The following UNC5D variants were observed in gnomAD, a reference collection of about 807,000 sequenced individuals.
The protein encoded by UNC5D is netrin receptor UNC5D.
A neutral mutation model predicts 105.4 loss-of-function variants in UNC5D; 39 were observed. The ratio of observed to expected loss-of-function variants is 0.37; its 90% CI spans 0.29 to 0.48. The LOEUF (loss-of-function observed/expected upper bound fraction) is 0.48, where lower values mean the gene tolerates loss of function less well. Among genes scored for constraint, UNC5D ranks in the 20% least tolerant of loss-of-function variants. UNC5D has a pLI of 0.98. For missense variants in UNC5D, 991 were observed against 1,202.4 expected, an observed-to-expected ratio of 0.82 and a Z score of 2.60; for synonymous variants, 452 against 450.4, an observed-to-expected ratio of 1.00 and a Z score of -0.04.
At chr8:35,369,186 CCTAT>C (rs1245617117) in intron 1 of UNC5D, among the ~76,000 whole-genome samples, 3 of 152,146 alleles carry the variant, frequency 2.0e-5, no homozygotes, top group Non-Finnish European at 4.4e-5. Flanking sequence ...AATTAAATCA[CCTAT>C]CTCTCAGGTA....
chr8:35,687,691 A>G (rs1212873162), intron 7 of UNC5D, among the ~76,000 whole-genome samples: 1 of 152,072 alleles, frequency 6.6e-6, no homozygotes, highest in Non-Finnish European at 1.5e-5. Flanking sequence ...TTCCTTATTT[A>G]CTTTGTGTTC....
rs187565769 is a variant in UNC5D, at chr8:35,395,607, T to A, written c.104-153685T>A. On this transcript the variant is annotated intron_variant, in intron 1 of 16. Coordinates refer to ENST00000404895, the MANE Select transcript of UNC5D (RefSeq NM_080872.4). ...CATTTGAAAGCTGGAGGGGTCATGA[T>A]TAATCAACATACACCACCACTCTAA... is the stretch of plus-strand genomic sequence containing the variant. 3.4e-3 allele frequency among the ~76,000 whole-genome samples: 520 copies of A among 152,300 alleles called. 4 individuals are homozygous for A. The highest frequency in any genetic ancestry group is 0.012 in the African/African-American group (499 of 41,568).
intron 1 of UNC5D, among the ~76,000 whole-genome samples, chr8:35,354,618 A>C (rs759497620): frequency 6.6e-6 from 1 of 152,200 alleles, no homozygotes; most frequent in Non-Finnish European, 1.5e-5. Flanking sequence ...TTAATACCAG[A>C]AAAGCAGGTT....
At chr8:35,344,732 A>G (rs560269592) in intron 1 of UNC5D, among the ~76,000 whole-genome samples, 1 of 152,174 alleles carries the variant, frequency 6.6e-6, no homozygotes, top group South Asian at 2.1e-4. Context: ...TTATCTTAGT[A>G]CCCTGATGCT....
At chr8:35,610,980 T>A (rs987549688) in intron 4 of UNC5D, among the ~76,000 whole-genome samples, 5 of 149,276 alleles carry the variant, frequency 3.3e-5, no homozygotes, top group African/African-American at 1.2e-4. Flanking sequence ...AAAAATGTTT[T>A]CTTTGTAGGT....
chr8:35,359,512 A>C (rs141891453), intron 1 of UNC5D, among the ~76,000 whole-genome samples: 50 of 152,308 alleles, frequency 3.3e-4, no homozygotes, highest in Non-Finnish European at 6.9e-4. Flanking sequence ...GTGAACACCA[A>C]TGTTCTTTGA....
At chr8:35,767,393 A>G (rs1801821622) in intron 15 of UNC5D, among the ~76,000 whole-genome samples, 1 of 152,156 alleles carries the variant, frequency 6.6e-6, no homozygotes, top group African/African-American at 2.4e-5. Context: ...GAGATTCATT[A>G]TAGACTGAAG....
At chr8:35,384,558 C>T (rs1292716355) in intron 1 of UNC5D, among the ~76,000 whole-genome samples, 2 of 152,112 alleles carry the variant, frequency 1.3e-5, no homozygotes, top group Non-Finnish European at 2.9e-5. Context: ...TGTTCATTCC[C>T]CTAAACCCTT....
intron 1 of UNC5D, among the ~76,000 whole-genome samples, chr8:35,390,329 C>T (rs1034254223): frequency 2.0e-5 from 3 of 152,016 alleles, no homozygotes; most frequent in Admixed American, 6.5e-5. Flanking sequence ...CAAACTATAT[C>T]GAGAGTTAAC....
Position 35,643,631 on chromosome 8 carries a change from G to A in UNC5D, c.571-39916G>A, listed in dbSNP as rs373777685. ...CTGACCTTAAATGATCCACCCACCTGGGCCTCCCAAAGTGCTGGGATTACA... is the reference window on the plus strand; with the variant it reads ...CTGACCTTAAATGATCCACCCACCTAGGCCTCCCAAAGTGCTGGGATTACA... On this transcript the variant is annotated intron_variant, in intron 4 of 16. Coordinates refer to ENST00000404895, the MANE Select transcript of UNC5D (RefSeq NM_080872.4). 1.5e-4 allele frequency among the ~76,000 whole-genome samples: 23 copies of A among 152,146 alleles called. 1 individual carries two copies. Among genetic ancestry groups the A allele is most frequent in the African/African-American group, 5.5e-4 (23 of 41,538 alleles).
At chr8:35,258,312 A>G (rs1330953232) in intron 1 of UNC5D, among the ~76,000 whole-genome samples, 1 of 152,352 alleles carries the variant, frequency 6.6e-6, no homozygotes, top group Non-Finnish European at 1.5e-5. Context: ...ACCTCTTCAT[A>G]TGGTTGCATT....
At chr8:35,361,697 C>T (rs1325624528) in intron 1 of UNC5D, among the ~76,000 whole-genome samples, 1 of 152,148 alleles carries the variant, frequency 6.6e-6, no homozygotes, top group Non-Finnish European at 1.5e-5. Context: ...TATGCAGCTT[C>T]TCTTTCATTC....
intron 1 of UNC5D, among the ~76,000 whole-genome samples, chr8:35,490,009 A>C (rs899590616): frequency 6.6e-6 from 1 of 152,372 alleles, no homozygotes; most frequent in South Asian, 2.1e-4. Context: ...ATCACTATTC[A>C]TATACAAATC....
chr8:35,515,042 G>C (rs923195274), intron 1 of UNC5D, among the ~76,000 whole-genome samples: 2 of 152,204 alleles, frequency 1.3e-5, no homozygotes, highest in East Asian at 1.9e-4. Context: ...GCTGTGGATG[G>C]ATTTCCGGTG....
At chr8:35,769,423 C>A (rs1305085387) in intron 15 of UNC5D, among the ~76,000 whole-genome samples, 1 of 152,150 alleles carries the variant, frequency 6.6e-6, no homozygotes, top group African/African-American at 2.4e-5. Context: ...CATCACAGCA[C>A]CAGAAATTTT....
chr8:35,525,813 A>T (rs1251567261), intron 1 of UNC5D: 1 of 1,451,034 alleles, frequency 6.9e-7, no homozygotes, highest in East Asian at 2.5e-5. Flanking sequence ...TGTTTTAATT[A>T]TACAGAAAAG....
chr8:35,323,929 A>G (rs751279170), intron 1 of UNC5D, among the ~76,000 whole-genome samples: 1 of 152,122 alleles, frequency 6.6e-6, no homozygotes, highest in South Asian at 2.1e-4. Context: ...GCTTCGGGAC[A>G]AACATAAGAA....
intron 1 of UNC5D, among the ~76,000 whole-genome samples, chr8:35,547,206 A>G (rs902169065): frequency 2.0e-5 from 3 of 151,826 alleles, no homozygotes; most frequent in Non-Finnish European, 4.4e-5. Context: ...CTTATACAAA[A>G]TACCTCTTGA....
At chr8:35,284,774 G>A (rs975187739) in intron 1 of UNC5D, among the ~76,000 whole-genome samples, 3 of 151,966 alleles carry the variant, frequency 2.0e-5, no homozygotes, top group Non-Finnish European at 4.4e-5. Flanking sequence ...ATGTTAGCCA[G>A]GATGGTCTCG....
Sources: gnomAD v4.1 joint callset for allele counts (sites outside exome capture counted in the v4.1 genomes callset) on GRCh38, gnomAD v4.1.1 for gene constraint, MANE v1.5 for transcripts, NCBI Gene and HGNC (gene_info 2026-07-23, HGNC 2026-07-21) for gene names.